Variants in EIF2AK3 observed in about 807,000 individuals in gnomAD.
EIF2AK3 encodes the protein eukaryotic translation initiation factor 2-alpha kinase 3.
Under a neutral mutation model 113.5 loss-of-function variants are expected in EIF2AK3, and 50 were observed. The ratio of observed to expected loss-of-function variants is 0.44; its 90% confidence interval spans 0.35 to 0.56. The LOEUF (loss-of-function observed/expected upper bound fraction) is 0.56, where lower values mean the gene tolerates loss of function less well. Among genes scored for constraint, EIF2AK3 ranks in the 20% least tolerant of loss-of-function variants. The pLI is 0.00. For missense variants in EIF2AK3, 1,185 were observed against 1,378.0 expected (o/e 0.86, Z 2.22); for synonymous variants, 448 against 495.4 (o/e 0.90, Z 1.27).
In EIF2AK3 at chr2:88,560,744, T is replaced by TG. The variant is rs754173463; in HGVS notation, c.3087+1544dup. On this transcript the variant is annotated intron_variant, in intron 15 of 16. Transcript: ENST00000303236. ...GTGTTCTGAAAATGGTTATTTTGAC[T>TG]GTTTTTTTTTTTTTTTCATTCATTG... 4.6e-3 allele frequency among the ~76,000 whole-genome samples: 676 copies of TG among 147,372 alleles called. 4 individuals carry two copies. Among genetic ancestry groups the TG allele is most frequent in the South Asian group, 0.011 (53 of 4,692 alleles).
chr2:88,592,098 T>A (rs971909226), intron 4 of EIF2AK3, among the ~76,000 whole-genome samples: 1 of 152,208 alleles, frequency 6.6e-6, no homozygotes, highest in African/African-American at 2.4e-5. Context: ...AGATGGAATC[T>A]AAAGTTATTT....
chr2:88,577,133 A>ACC (rs1674482796), intron 11 of EIF2AK3, among the ~76,000 whole-genome samples: 1 of 151,790 alleles, frequency 6.6e-6, no homozygotes, highest in African/African-American at 2.4e-5. Context: ...ACAGATGCGC[A>ACC]CCACCACACC....
chr2:88,575,596 A>G (rs954340631), intron 12 of EIF2AK3, 150 bp from the exon 13 acceptor site: 1 of 814,316 alleles, frequency 1.2e-6, no homozygotes, highest in South Asian at 1.5e-5. Context: ...AAAACATGCA[A>G]TGTGAGATAC....
At chr2:88,604,513 C>A (rs889525485) in intron 2 of EIF2AK3, among the ~76,000 whole-genome samples, 1 of 152,188 alleles carries the variant, frequency 6.6e-6, no homozygotes, top group Non-Finnish European at 1.5e-5. Flanking sequence ...TGTGCTCTAT[C>A]CTGCCTTGTG....
chr2:88,589,151 T>C (rs996606005), intron 6 of EIF2AK3, among the ~76,000 whole-genome samples: 2 of 152,052 alleles, frequency 1.3e-5, no homozygotes, highest in African/African-American at 2.4e-5. Context: ...TACAGGAAAA[T>C]TGTTCCAGTA....
Position 88,575,333 on chromosome 2 carries a change from T to G in EIF2AK3, c.2150A>C (p.Gln717Pro). ...CCCTACTGAAAAAGACCTGCTTCTT[T>G]GTGGTGAAGGAGCTATGATTTCAAT... ...EHIEIIAPSP[Q>P]RSRSFSVGIS... Residue 717 changes from glutamine to proline, a missense_variant, in exon 13 of 17, where the codon CAA (glutamine) becomes CCA (proline). Gln to Pro is a moderately conservative substitution (Grantham distance 76). Around this residue, in one of 3 missense-constraint regions of EIF2AK3, gnomAD observed 877 missense variants for 1,024.2 expected, o/e 0.86. Transcript: ENST00000303236. 6.2e-7 allele frequency: 1 copy of G among 1,614,190 alleles called. No individual in the cohort carries two copies. The highest frequency in any genetic ancestry group is 8.5e-7 in the Non-Finnish European group (1 of 1,180,026).
Position 88,595,572 on chromosome 2 carries a change from GT to G in EIF2AK3, c.529del (p.Thr177GlnfsTer24). ...AGAAGATTCAAGAAGTGATTCAACT[GT>G]GAAAGGAACTGTTTCCATGCTTTCA... is the stretch of plus-strand genomic sequence containing the variant. The part of the protein sequence containing the change: ...DRESMETVPF[T>X]VESLLESSYK... On this transcript the variant is annotated frameshift_variant, in exon 3 of 17. Coordinates refer to ENST00000303236, the MANE Select transcript of EIF2AK3 (RefSeq NM_004836.7). LOFTEE classifies it high-confidence loss of function. 1 of 1,614,000 alleles carries G rather than the reference GT, an allele frequency of 6.2e-7. No individual in the cohort carries two copies. Among genetic ancestry groups the G allele is most frequent in the Non-Finnish European group, 8.5e-7 (1 of 1,179,946 alleles).
intron 2 of EIF2AK3, among the ~76,000 whole-genome samples, chr2:88,605,378 A>C (rs1675246120): frequency 6.6e-6 from 1 of 152,214 alleles, no homozygotes; most frequent in Non-Finnish European, 1.5e-5. Context: ...CAAGTAAATT[A>C]AAGGCGGGAG....
At chr2:88,596,340 T>G (rs996899524) in intron 2 of EIF2AK3, among the ~76,000 whole-genome samples, 8 of 152,172 alleles carry the variant, frequency 5.3e-5, no homozygotes, top group African/African-American at 1.9e-4. Context: ...GCCTGGCACA[T>G]TCTGATGGTT....
At chr2:88,615,576 C>T (rs1304811404) in intron 1 of EIF2AK3, among the ~76,000 whole-genome samples, 5 of 151,848 alleles carry the variant, frequency 3.3e-5, no homozygotes, top group Non-Finnish European at 7.4e-5. Context: ...TCTGCCAGTA[C>T]CTTGATCTTG....
At position 88,576,744 on chromosome 2, in the gene EIF2AK3, T is replaced by C. The variant is rs763736045; in HGVS notation, c.1887-41A>G. 2.5e-6 allele frequency: 4 copies of C among 1,603,902 alleles called. No individual in the cohort carries two copies. The East Asian group carries it at 9.0e-5, about 36-fold the overall frequency. ...TATTTAAGGTGATGGATATTCCAAT[T>C]ACACTGATTTGATCTTTACAAATTA... is the stretch of plus-strand genomic sequence containing the variant. On this transcript the variant is annotated intron_variant, in intron 11 of 16. Coordinates refer to ENST00000303236, the MANE Select transcript of EIF2AK3 (RefSeq NM_004836.7).
intron 16 of EIF2AK3, among the ~76,000 whole-genome samples, chr2:88,558,429 CTT>C: frequency 6.6e-6 from 1 of 152,196 alleles, no homozygotes; most frequent in Admixed American, 6.5e-5. Context: ...TTAAAAATCT[CTT>C]TGAACGTAAC....
At chr2:88,562,157 C>A (rs1455389879) in intron 15 of EIF2AK3, 132 bp downstream of exon 15, 3 of 720,138 alleles carry the variant, frequency 4.2e-6, no homozygotes, top group African/African-American at 3.5e-5. Flanking sequence ...CTGTGTTACT[C>A]ACATCACCTC....
chr2:88,599,480 T>G lies in EIF2AK3; in HGVS notation c.439-3817A>C, dbSNP rs542094972. Among the ~76,000 whole-genome samples the G allele has an allele frequency of 1.8e-4, 27 of 151,976 alleles. No homozygotes were observed. The South Asian group carries it at 5.6e-3, about 32-fold the overall frequency. On this transcript the variant is annotated intron_variant, in intron 2 of 16. Coordinates refer to ENST00000303236, the MANE Select transcript of EIF2AK3 (RefSeq NM_004836.7). ...TAAGTAGTATTTAGCCGATATGATCTTCTATTTTGAGTTACATATCAGATA... is the reference window on the plus strand; with the variant it reads ...TAAGTAGTATTTAGCCGATATGATCGTCTATTTTGAGTTACATATCAGATA...
intron 2 of EIF2AK3, among the ~76,000 whole-genome samples, chr2:88,609,444 C>T (rs1675375215): frequency 6.6e-6 from 1 of 152,296 alleles, no homozygotes; most frequent in Admixed American, 6.5e-5. Context: ...CACTGTCATA[C>T]ACCTGAACTA....
chr2:88,587,497 CTT>C lies in EIF2AK3; in HGVS notation c.1429+483_1429+484del, dbSNP rs1039605375. On this transcript the variant is annotated intron_variant, in intron 8 of 16. Transcript: ENST00000303236. Reference sequence around the variant, plus strand: ...ATTCTTGACTTTTGCACTAATTTCTCTTGTCTGAGTAAGAAGATAACCTCATT... The same window carrying C: ...ATTCTTGACTTTTGCACTAATTTCTCGTCTGAGTAAGAAGATAACCTCATT... 2.9e-4 allele frequency among the ~76,000 whole-genome samples: 44 copies of C among 152,220 alleles called. No individual in the cohort carries two copies. In the Middle Eastern group the frequency reaches 0.017, roughly 59 times the overall value.
chr2:88,590,532 G>T lies in EIF2AK3; in HGVS notation c.1076C>A (p.Thr359Lys). The change falls in exon 6 of 17, where the codon ACA (threonine) becomes AAA (lysine). Residue 359 changes from threonine (T) to lysine (K), a missense_variant. Thr to Lys is a moderately conservative substitution (Grantham distance 78). Coordinates refer to ENST00000303236, the MANE Select transcript of EIF2AK3 (RefSeq NM_004836.7). ...AACATCATCATTAGATGTATAACTT[G>T]TATCATCAAAAAGACTGATGGGAAT... Reference protein sequence around the residue: ...KVIPISLFDDTSYTSNDDVLE... With the variant: ...KVIPISLFDDKSYTSNDDVLE... 4 of 1,613,636 alleles carry T rather than the reference G, an allele frequency of 2.5e-6. No individual in the cohort carries two copies. The South Asian group carries it at 4.4e-5, about 18-fold the overall frequency.
chr2:88,562,914 A>T (rs1290045835), intron 14 of EIF2AK3, among the ~76,000 whole-genome samples: 1 of 152,210 alleles, frequency 6.6e-6, no homozygotes, highest in Non-Finnish European at 1.5e-5. Context: ...TATTCTTCAC[A>T]ACTAGATTAT....
chr2:88,569,852 CTCT>C (rs1236266299), intron 14 of EIF2AK3, among the ~76,000 whole-genome samples: 5 of 152,144 alleles, frequency 3.3e-5, no homozygotes, highest in Admixed American at 3.3e-4. Flanking sequence ...TGAAATATTG[CTCT>C]TTTTTCCAAC....
Sources: gnomAD v4.1 joint callset for allele counts (sites outside exome capture counted in the v4.1 genomes callset) on GRCh38, gnomAD v4.1.1 for gene constraint, gnomAD v4.1.1 regional missense constraint, MANE v1.5 for transcripts, NCBI Gene and HGNC (gene_info 2026-07-23, HGNC 2026-07-21) for gene names.